Variants in D2HGDH observed in about 807,000 individuals in gnomAD.
The protein encoded by D2HGDH is D-2-hydroxyglutarate dehydrogenase.
A neutral mutation model predicts 46.9 loss-of-function variants in D2HGDH; 31 were observed. The ratio of observed to expected loss-of-function variants is 0.66; its 90% CI spans 0.50 to 0.89. The LOEUF is 0.89. Ranked by LOEUF, D2HGDH falls within the 40% of genes least tolerant of loss-of-function variation. D2HGDH has a pLI of 0.00. For missense variants in D2HGDH, 698 were observed against 720.8 expected, an observed-to-expected ratio of 0.97 and a Z score of 0.36; for synonymous variants, 364 against 332.6, an observed-to-expected ratio of 1.09 and a Z score of -1.03.
intron 9 of D2HGDH, among the ~76,000 whole-genome samples, chr2:241,757,326 G>C (rs181500085): frequency 6.6e-6 from 1 of 152,274 alleles, no homozygotes; most frequent in African/African-American, 2.4e-5. Flanking sequence ...GAATGGGAAG[G>C]GGGTAAGGGC....
Position 241,755,975 on chromosome 2 carries a change from G to C in D2HGDH, c.1267G>C (p.Gly423Arg). The C allele has an allele frequency of 6.2e-7, 1 of 1,604,748 alleles. No homozygotes were observed. The highest frequency in any genetic ancestry group is 8.5e-7 in the Non-Finnish European group (1 of 1,173,364). Residue 423 changes from glycine (G) to arginine (R), a missense_variant, in exon 9 of 10, where the codon GGC (glycine) becomes CGC (arginine). Transcript: ENST00000321264. ...CGTGACTGACCTGCGCGCCCGCCTC[G>C]GCCCGCACGCCAAGCACGTGGTGGG... ...DIVTDLRARL[G>R]PHAKHVVGYG...
At chr2:241,763,466 C>T (rs1699009105) in intron 9 of D2HGDH, among the ~76,000 whole-genome samples, 1 of 152,026 alleles carries the variant, frequency 6.6e-6, no homozygotes, top group African/African-American at 2.4e-5. Flanking sequence ...GAGTGGGTCT[C>T]GCGGGACTGG....
chr2:241,757,941 A>G (rs768836654), intron 9 of D2HGDH, among the ~76,000 whole-genome samples: 37 of 151,878 alleles, frequency 2.4e-4, no homozygotes, highest in Non-Finnish European at 4.0e-4. Context: ...CCTGGGTGAC[A>G]AGAGTGAAAC....
At chr2:241,737,579 TC>T (rs1328334924) in intron 2 of D2HGDH, among the ~76,000 whole-genome samples, 1 of 152,154 alleles carries the variant, frequency 6.6e-6, no homozygotes, top group Non-Finnish European at 1.5e-5. Flanking sequence ...AACCTCCACT[TC>T]CTGGGGTCAA....
chr2:241,750,383 C>CG (rs1158068377), intron 7 of D2HGDH, 89 bp downstream of exon 7: 85 of 268,672 alleles, frequency 3.2e-4, no homozygotes, highest in Non-Finnish European at 4.3e-4. Context: ...CCCGGGTGGG[C>CG]GGGGGGTGCC....
At chr2:241,747,660 C>T (rs1478535646) in intron 6 of D2HGDH, among the ~76,000 whole-genome samples, 1 of 151,702 alleles carries the variant, frequency 6.6e-6, no homozygotes, top group Non-Finnish European at 1.5e-5. Context: ...CCTTGAACTC[C>T]TGCACTGAAG....
At chr2:241,740,369 G>A (rs1015128503) in intron 2 of D2HGDH, among the ~76,000 whole-genome samples, 6 of 152,146 alleles carry the variant, frequency 3.9e-5, no homozygotes, top group African/African-American at 9.7e-5. Flanking sequence ...CAGACATCCC[G>A]TTACCGTGGG....
chr2:241,764,844 C>G (rs112247677), intron 9 of D2HGDH, among the ~76,000 whole-genome samples: 20,287 of 152,244 alleles, frequency 0.13, 1,475 homozygotes, highest in African/African-American at 0.2. Flanking sequence ...TCCTGCTGGC[C>G]CGGAGGTGGG....
In D2HGDH at chr2:241,765,231, G is replaced by A. The variant is rs545090379; in HGVS notation, c.1307-2479G>A. On this transcript the variant is annotated intron_variant, in intron 9 of 9. Transcript: ENST00000321264. ...GGAGGGAGGCAGTGGCAGGCCATGC[G>A]GTAACTCAGGTGGCCGCTCTCTGCC... Among the ~76,000 whole-genome samples the A allele has an allele frequency of 1.2e-4, 19 of 152,310 alleles. No individual in the cohort carries two copies. The South Asian group carries it at 2.1e-3, about 17-fold the overall frequency.
At chr2:241,748,329 C>T (rs1469357307) in intron 6 of D2HGDH, among the ~76,000 whole-genome samples, 2 of 152,138 alleles carry the variant, frequency 1.3e-5, no homozygotes. Flanking sequence ...CCATGTTGGC[C>T]AGGCTGGTCT....
At chr2:241,749,019 T>C (rs34077392) in intron 6 of D2HGDH, 421,326 of 1,084,976 alleles carry the variant, frequency 0.39, 83,048 homozygotes, top group African/African-American at 0.63. Flanking sequence ...GTGAGGATGG[T>C]CCTGGTGTCC....
At chr2:241,750,028 C>A in intron 6 of D2HGDH, 123 bp from the exon 7 acceptor site, 1 of 1,451,838 alleles carries the variant, frequency 6.9e-7, no homozygotes, top group Admixed American at 1.8e-5. Context: ...AGTCCTCGTG[C>A]TCCTCGTGGC....
chr2:241,750,383 CG>C, intron 7 of D2HGDH, 89 bp downstream of exon 7: 6 of 268,592 alleles, frequency 2.2e-5, no homozygotes, highest in Non-Finnish European at 3.5e-5. Flanking sequence ...CCCGGGTGGG[CG>C]GGGGGTGCCC....
In D2HGDH at chr2:241,767,981, G is replaced by C; in HGVS notation, c.*12G>C. The C allele has an allele frequency of 5.1e-6, 8 of 1,580,596 alleles. No individual in the cohort carries two copies. Among genetic ancestry groups the C allele is most frequent in the Non-Finnish European group, 6.8e-6 (8 of 1,168,316 alleles). ...CCAGCCAGGCCTGACGGCCACTCCT[G>C]CTGCTGCCAAGGCCCACTGGGGGTC... On this transcript the variant is annotated 3_prime_UTR_variant, in exon 10 of 10. Transcript: ENST00000321264.
At chr2:241,747,941 C>T (rs1236479749) in intron 6 of D2HGDH, among the ~76,000 whole-genome samples, 1 of 152,176 alleles carries the variant, frequency 6.6e-6, no homozygotes, top group African/African-American at 2.4e-5. Context: ...AGGCTTGCTT[C>T]TGGCCCTGAC....
At chr2:241,745,736 C>A (rs1053361411) in intron 6 of D2HGDH, among the ~76,000 whole-genome samples, 1 of 152,222 alleles carries the variant, frequency 6.6e-6, no homozygotes, top group Non-Finnish European at 1.5e-5. Flanking sequence ...TCATTTCCTG[C>A]AGTAAAGGTC....
At position 241,743,623 on chromosome 2, in the gene D2HGDH, A is replaced by G. The variant is rs745380140; in HGVS notation, c.492A>G (p.Gly164=). Residue 164 remains glycine, a splice_region_variant and synonymous_variant, in exon 5 of 10, where the codon GGA becomes GGG. Transcript: ENST00000321264. The surrounding 1 kb of genome is among the most constrained non-coding windows in gnomAD (Gnocchi z 4.8). ...NRVLSFHSVS[G]ILVCQAGCVL... is the part of the protein sequence containing the mutation. ...CGGCAGCCTGGTCACTCTCTGCAGG[A>G]ATTCTGGTTTGCCAGGCGGGCTGCG... The G allele has an allele frequency of 2.5e-6, 4 of 1,612,984 alleles. No individual in the cohort carries two copies. In the Admixed American group the frequency reaches 6.7e-5, roughly 27 times the overall value.
At chr2:241,740,281 C>G (rs1000027028) in intron 2 of D2HGDH, among the ~76,000 whole-genome samples, 4 of 152,200 alleles carry the variant, frequency 2.6e-5, no homozygotes, top group African/African-American at 9.7e-5. Flanking sequence ...AGGATGTCCA[C>G]ATAGTCTCAA....
rs112286696 is a variant in D2HGDH, at chr2:241,751,964, G to T, written c.1140+576G>T. Among the ~76,000 whole-genome samples, 462 of 77,208 alleles carry T rather than the reference G, an allele frequency of 6.0e-3. 19 individuals carry two copies. Among genetic ancestry groups the T allele is most frequent in the African/African-American group, 0.023 (318 of 13,976 alleles). 50.7% of individuals were successfully genotyped at this position (77,208 alleles called of 152,430 possible). ...GTCACCGTCACCGGGGCCTGGGCAG[G>T]GGGAGCCCTCGGTCACCGTCACCGG... is the stretch of plus-strand genomic sequence containing the variant. On this transcript the variant is annotated intron_variant, in intron 8 of 9. Transcript: ENST00000321264.
Sources: allele counts gnomAD v4.1 joint callset (sites outside exome capture counted in the v4.1 genomes callset), GRCh38; gene constraint gnomAD v4.1.1; non-coding constraint Gnocchi (gnomAD v3.1); transcripts MANE v1.5; gene names NCBI Gene and HGNC (gene_info 2026-07-23, HGNC 2026-07-21).